The following ZFP91 variants were observed in gnomAD, a reference collection of about 807,000 sequenced individuals.
ZFP91 encodes the protein E3 ubiquitin-protein ligase ZFP91.
In ZFP91, 7 loss-of-function variants were observed where a neutral mutation model predicts 63.5. The observed-to-expected ratio is 0.11, with a 90% CI of 0.06 to 0.21. ZFP91 has a LOEUF of 0.21. ZFP91 is among the 10% of genes least tolerant of loss of function. The pLI, the probability that ZFP91 is intolerant of heterozygous loss-of-function variation, is 1.00. For synonymous variants in ZFP91, 330 were observed against 272.1 expected (o/e 1.21, Z -2.10); for missense variants, 628 against 736.6 (o/e 0.85, Z 1.71).
Position 58,620,995 on chromosome 11 carries a change from T to C in ZFP91, c.*3289T>C, listed in dbSNP as rs1855841121. The C allele has an allele frequency of 6.6e-6, 1 of 152,628 alleles. No homozygotes were observed. The highest frequency in any genetic ancestry group is 1.5e-5 in the Non-Finnish European group (1 of 68,026). 9.5% of individuals were successfully genotyped at this position (152,628 alleles called of 1,614,324 possible). Reference sequence around the variant, plus strand: ...TTTCTCTTATTCTAGGTAAGGCATATTAAAAATAAATATGTAAAGAAGAAA... The same window carrying C: ...TTTCTCTTATTCTAGGTAAGGCATACTAAAAATAAATATGTAAAGAAGAAA... On this transcript the variant is annotated 3_prime_UTR_variant, in exon 11 of 11. Coordinates refer to ENST00000316059, the MANE Select transcript of ZFP91 (RefSeq NM_053023.5).
intron 2 of ZFP91, 23 bp from the exon 3 acceptor site, chr11:58,609,807 G>C (rs1167813409): frequency 1.2e-6 from 2 of 1,605,040 alleles, no homozygotes; most frequent in Admixed American, 1.7e-5. Flanking sequence ...AACTTAAAGA[G>C]AATGGTATGT....
intron 2 of ZFP91, among the ~76,000 whole-genome samples, chr11:58,587,943 G>A (rs552612012): frequency 3.3e-5 from 5 of 152,266 alleles, no homozygotes; most frequent in Non-Finnish European, 5.9e-5. Context: ...TCAAGTAGAT[G>A]TGGGCAGTGC....
In ZFP91 at chr11:58,619,306, G is replaced by T. The variant is rs983739838; in HGVS notation, c.*1600G>T. 3.3e-5 allele frequency: 5 copies of T among 152,208 alleles called. No individual in the cohort carries two copies. The highest frequency in any genetic ancestry group is 7.3e-5 in the Non-Finnish European group (5 of 68,072). 9.4% of individuals were successfully genotyped at this position (152,208 alleles called of 1,614,324 possible). ...TATTGCTGTTCACTGGAGAGAAAAG[G>T]TAGTGTTTTTGTACAAGGTCATACC... On this transcript the variant is annotated 3_prime_UTR_variant, in exon 11 of 11. Transcript: ENST00000316059.
chr11:58,612,843 C>A lies in ZFP91; in HGVS notation c.987+3C>A. On this transcript the variant is annotated splice_donor_region_variant and intron_variant, in intron 8 of 10. Transcript: ENST00000316059. ...TTGCCCATCCTCGCTATTTGCAGGT[C>A]AGTGAAGTTGTTATATAAGAGCCTT... The A allele has an allele frequency of 6.2e-7, 1 of 1,610,836 alleles. No individual in the cohort carries two copies. The highest frequency in any genetic ancestry group is 1.1e-5 in the South Asian group (1 of 90,428).
intron 2 of ZFP91, among the ~76,000 whole-genome samples, chr11:58,608,730 C>T (rs1208482823): frequency 6.6e-6 from 1 of 152,026 alleles, no homozygotes; most frequent in Non-Finnish European, 1.5e-5. Flanking sequence ...TCAGCCTCCC[C>T]AGTAGCTGGG....
At chr11:58,592,653 T>C (rs903620438) in intron 2 of ZFP91, among the ~76,000 whole-genome samples, 1 of 151,992 alleles carries the variant, frequency 6.6e-6, no homozygotes, top group East Asian at 1.9e-4. Flanking sequence ...TACCGAACGC[T>C]GGGGGGTTAG....
intron 2 of ZFP91, among the ~76,000 whole-genome samples, chr11:58,602,768 T>C (rs1855511265): frequency 6.6e-6 from 1 of 152,178 alleles, no homozygotes; most frequent in Non-Finnish European, 1.5e-5. Context: ...AAGTGGGCTA[T>C]GAAAAAGTAC....
chr11:58,596,090 A>T (rs1447339691), intron 2 of ZFP91, among the ~76,000 whole-genome samples: 1 of 152,192 alleles, frequency 6.6e-6, no homozygotes, highest in East Asian at 1.9e-4. Flanking sequence ...CAACTAATTC[A>T]TATTTTATAT....
intron 2 of ZFP91, among the ~76,000 whole-genome samples, chr11:58,608,058 G>C (rs1370782195): frequency 6.6e-6 from 1 of 151,492 alleles, no homozygotes; most frequent in African/African-American, 2.4e-5. Flanking sequence ...TGTTATTATA[G>C]TATGTAAGAT....
chr11:58,583,824 A>T lies in ZFP91; in HGVS notation c.342-1032A>T, dbSNP rs147721789. ...GTTTCTAAGTAGAATAGATTTTTGT[A>T]TTACACTGTGGCTTCTGTATTTGTC... On this transcript the variant is annotated intron_variant, in intron 1 of 10. Coordinates refer to ENST00000316059, the MANE Select transcript of ZFP91 (RefSeq NM_053023.5). 3.7e-4 allele frequency among the ~76,000 whole-genome samples: 57 copies of T among 152,146 alleles called. 2 individuals are homozygous for T. In the East Asian group the frequency reaches 0.011, roughly 29 times the overall value.
intron 2 of ZFP91, among the ~76,000 whole-genome samples, chr11:58,606,740 C>G (rs766848464): frequency 1.3e-5 from 2 of 151,898 alleles, no homozygotes; most frequent in African/African-American, 2.4e-5. Flanking sequence ...GGTTCTGGTC[C>G]TTTCGCTTAT....
intron 2 of ZFP91, among the ~76,000 whole-genome samples, chr11:58,598,713 A>G (rs1014009041): frequency 2.7e-5 from 4 of 150,782 alleles, no homozygotes; most frequent in African/African-American, 4.9e-5. Flanking sequence ...TCAGTTGTCA[A>G]TTTCTATTCC....
chr11:58,580,676 G>A (rs2134384304), intron 1 of ZFP91, among the ~76,000 whole-genome samples: 1 of 152,352 alleles, frequency 6.6e-6, no homozygotes, highest in South Asian at 2.1e-4. Context: ...AAAATTAAGA[G>A]TTAAGCCTGT....
At chr11:58,602,058 G>T (rs1443294966) in intron 2 of ZFP91, among the ~76,000 whole-genome samples, 1 of 152,014 alleles carries the variant, frequency 6.6e-6, no homozygotes. Context: ...GAGTAGCTGG[G>T]ACTACAGACA....
Position 58,579,475 on chromosome 11 carries a change from C to T in ZFP91, c.194C>T (p.Ala65Val), listed in dbSNP as rs1325543820. 1 of 1,494,058 alleles carries T rather than the reference C, an allele frequency of 6.7e-7. No homozygotes were observed. Among genetic ancestry groups the T allele is most frequent in the African/African-American group, 1.5e-5 (1 of 68,338 alleles). 92.6% of individuals were successfully genotyped at this position (1,494,058 alleles called of 1,614,324 possible). A position where few individuals can be genotyped will look rare whatever the true frequency, so the allele number is the denominator to read the frequency against. The change falls in exon 1 of 11, where the codon GCC becomes GTC. Residue 65 changes from alanine (A) to valine (V), a missense_variant. This residue lies in a region of ZFP91 where 437 missense variants were observed against 380.3 expected (regional missense o/e 1.15). Coordinates refer to ENST00000316059, the MANE Select transcript of ZFP91 (RefSeq NM_053023.5). ...DRGRAAAAAA[A>V]AAVSRRRKAE... ...GGCCGGGCCGCTGCGGCCGCCGCCG[C>T]CGCAGCTGTGTCCCGCCGGAGGAAG...
intron 2 of ZFP91, among the ~76,000 whole-genome samples, chr11:58,589,357 A>G (rs552839255): frequency 1.9e-4 from 29 of 152,278 alleles, no homozygotes; most frequent in Admixed American, 3.9e-4. Flanking sequence ...AAGCCACTAC[A>G]CCCAGCCTGT....
Position 58,617,902 on chromosome 11 carries a change from T to G in ZFP91, c.*196T>G. The G allele has an allele frequency of 1.6e-6, 1 of 631,682 alleles. No homozygotes were observed. Among genetic ancestry groups the G allele is most frequent in the East Asian group, 3.5e-5 (1 of 28,550 alleles). The allele number at this position is 631,682 out of a possible 1,614,324, so 39.1% of individuals were successfully genotyped here. A position where few individuals can be genotyped will look rare whatever the true frequency, so the allele number is the denominator to read the frequency against. ...TGTTCTCCCTCTGTTGCTCCCCTTATAAAATTGATGTTGTCTTTACCAGAA... is the reference window on the plus strand; with the variant it reads ...TGTTCTCCCTCTGTTGCTCCCCTTAGAAAATTGATGTTGTCTTTACCAGAA... On this transcript the variant is annotated 3_prime_UTR_variant, in exon 11 of 11. Transcript: ENST00000316059. This position sits in a 1 kb window ranked among gnomAD's most constrained non-coding sequence, Gnocchi z 4.2.
Position 58,610,137 on chromosome 11 carries a change from CAGGTT to C in ZFP91, c.580+99_580+103del, listed in dbSNP as rs552017105. 411 of 1,474,574 alleles carry C rather than the reference CAGGTT, an allele frequency of 2.8e-4. 2 individuals carry two copies. Among genetic ancestry groups the C allele is most frequent in the Middle Eastern group, 2.2e-3 (12 of 5,514 alleles). 91.3% of individuals were successfully genotyped at this position (1,474,574 alleles called of 1,614,324 possible). A position where few individuals can be genotyped will look rare whatever the true frequency, so the allele number is the denominator to read the frequency against. On this transcript the variant is annotated intron_variant, in intron 3 of 10. Transcript: ENST00000316059. ...GTGTTAACAGCTTAACTGTCAGGGG[CAGGTT>C]TGATGGTGTAGGTGGTATTTCTTTG... is the stretch of plus-strand genomic sequence containing the variant.
At chr11:58,579,730 C>T (rs1855067331) in intron 1 of ZFP91, 108 bp downstream of exon 1, 3 of 1,101,664 alleles carry the variant, frequency 2.7e-6, no homozygotes, top group South Asian at 1.8e-5. Context: ...GGTCTGCCCC[C>T]TGCCGGCTCC....
Sources: gnomAD v4.1 joint callset for allele counts (sites outside exome capture counted in the v4.1 genomes callset) on GRCh38, gnomAD v4.1.1 for gene constraint, gnomAD v4.1.1 regional missense constraint, Gnocchi (gnomAD v3.1) non-coding constraint, MANE v1.5 for transcripts, NCBI Gene and HGNC (gene_info 2026-07-23, HGNC 2026-07-21) for gene names.